Variants in GSDMD observed in about 807,000 individuals in gnomAD.
The protein encoded by GSDMD is gasdermin D, also known as gasdermin-D.
Under a neutral mutation model 46.7 loss-of-function variants are expected in GSDMD, and 46 were observed. The ratio of observed to expected loss-of-function variants is 0.99; its 90% CI spans 0.78 to 1.26. The LOEUF is 1.26. GSDMD is among the 50% of genes most tolerant of loss of function. The pLI, the probability that GSDMD is intolerant of heterozygous loss-of-function variation, is 0.00. For synonymous variants in GSDMD, 307 were observed against 283.1 expected (o/e 1.08, Z -0.85); for missense variants, 649 against 638.8 (o/e 1.02, Z -0.17).
Position 143,562,276 on chromosome 8 carries a change from G to C in GSDMD, c.1064G>C (p.Cys355Ser), listed in dbSNP as rs775377667. The C allele has an allele frequency of 1.3e-6, 2 of 1,557,026 alleles. No individual in the cohort carries two copies. Among genetic ancestry groups the C allele is most frequent in the South Asian group, 2.3e-5 (2 of 85,144 alleles). ...GGTCCAGCAGGTGCTGTCCTGGAGTGCCTGGTGTTGTCCTCCGGAATGCTG... is the reference window on the plus strand; with the variant it reads ...GGTCCAGCAGGTGCTGTCCTGGAGTCCCTGGTGTTGTCCTCCGGAATGCTG... ...LDGPAGAVLE[C>S]LVLSSGMLVP... is the part of the protein sequence containing the mutation. Residue 355 changes from cysteine (C) to serine (S), a missense_variant, in exon 9 of 11, where the codon TGC (cysteine) becomes TCC (serine). Cys to Ser is a moderately radical substitution (Grantham distance 112). Transcript: ENST00000262580.
intron 3 of GSDMD, 66 bp downstream of exon 3, chr8:143,560,035 T>C: frequency 7.4e-7 from 1 of 1,351,772 alleles, no homozygotes; most frequent in Non-Finnish European, 1.0e-6. Flanking sequence ...CTTTTATTTA[T>C]TTATTTATTT....
At chr8:143,561,488 G>T in intron 6 of GSDMD, 65 bp downstream of exon 6, 1 of 1,495,406 alleles carries the variant, frequency 6.7e-7, no homozygotes. Flanking sequence ...GGGCAGTTGA[G>T]GCCTTCTCCT....
chr8:143,558,434 G>A lies in GSDMD; in HGVS notation c.-22G>A, dbSNP rs1021439955. The A allele has an allele frequency of 4.1e-5, 62 of 1,504,284 alleles. No individual in the cohort carries two copies. The highest frequency in any genetic ancestry group is 1.4e-4 in the East Asian group (5 of 36,500). The allele number at this position is 1,504,284 out of a possible 1,614,324, so 93.2% of individuals were successfully genotyped here. Reference sequence around the variant, plus strand: ...CAGACGCGCCAGACGCGCCACCCTCGGGGCGCCGACGGTCACGGTGAGCTG... The same window carrying A: ...CAGACGCGCCAGACGCGCCACCCTCAGGGCGCCGACGGTCACGGTGAGCTG... On this transcript the variant is annotated 5_prime_UTR_variant, in exon 1 of 11. Transcript: ENST00000262580.
chr8:143,561,366 C>A lies in GSDMD; in HGVS notation c.683-4C>A. 1 of 1,606,168 alleles carries A rather than the reference C, an allele frequency of 6.2e-7. No individual in the cohort carries two copies. The highest frequency in any genetic ancestry group is 8.5e-7 in the Non-Finnish European group (1 of 1,176,614). On this transcript the variant is annotated splice_region_variant and splice_polypyrimidine_tract_variant and intron_variant, in intron 5 of 10. Coordinates refer to ENST00000262580, the MANE Select transcript of GSDMD (RefSeq NM_024736.7). ...GTCCCTGTCTGCTCCCGTCTGGCTG[C>A]CAGACGTCCTTCTCTTCCCGGATAA...
upstream of GSDMD, among the ~76,000 whole-genome samples, chr8:143,557,649 G>A (rs929708467): frequency 1.3e-5 from 2 of 152,242 alleles, no homozygotes; most frequent in East Asian, 1.9e-4. Context: ...AGGGCCGCAC[G>A]GGTTGACATT....
upstream of GSDMD, chr8:143,555,313 A>C (rs1161370255): frequency 6.6e-6 from 1 of 152,322 alleles, no homozygotes; most frequent in Non-Finnish European, 1.5e-5. Flanking sequence ...TCTTGGAGGT[A>C]AAGGCCAAGA....
chr8:143,558,485 C>A, intron 1 of GSDMD, 34 bp downstream of exon 1: 1 of 1,440,968 alleles, frequency 6.9e-7, no homozygotes. Flanking sequence ...CCCGGCCTGG[C>A]TGGAGCTCCC....
Position 143,562,367 on chromosome 8 carries a change from G to C in GSDMD, c.1138+17G>C, listed in dbSNP as rs1171298677. The C allele has an allele frequency of 3.0e-5, 47 of 1,545,050 alleles. No homozygotes were observed. Among genetic ancestry groups the C allele is most frequent in the Non-Finnish European group, 3.9e-5 (45 of 1,146,348 alleles). ...CACTGACCAGTGAGCGGCCGCTGGGGGCAGGTGGCGGGTGGGAGGGAGGGA... is the reference window on the plus strand; with the variant it reads ...CACTGACCAGTGAGCGGCCGCTGGGCGCAGGTGGCGGGTGGGAGGGAGGGA... On this transcript the variant is annotated intron_variant, in intron 9 of 10. Transcript: ENST00000262580.
At chr8:143,557,573 T>A (rs570103854), upstream of GSDMD, among the ~76,000 whole-genome samples, 11 of 151,648 alleles carry the variant, frequency 7.3e-5, no homozygotes, top group Admixed American at 3.9e-4. Context: ...TTCCTGTGGG[T>A]GGAGCTAGGA....
upstream of GSDMD, among the ~76,000 whole-genome samples, chr8:143,557,399 A>G (rs1179913581): frequency 6.6e-3 from 890 of 135,748 alleles, 17 homozygotes; most frequent in African/African-American, 0.014. Context: ...TGCCGCTGTG[A>G]CGACAGCTGC....
In GSDMD at chr8:143,559,827, A is replaced by G. The variant is rs201322968; in HGVS notation, c.268A>G (p.Ile90Val). 249 of 1,611,960 alleles carry G rather than the reference A, an allele frequency of 1.5e-4. 1 individual carries two copies. In the East Asian group the frequency reaches 5.5e-3, roughly 35 times the overall value. ...CTTCTACGATGCCATGGATGGGCAG[A>G]TACAGGGCAGCGTGGAGCTGGCAGC... ...FHFYDAMDGQ[I>V]QGSVELAAPG... The change falls in exon 3 of 11, where the codon ATA becomes GTA. Residue 90 changes from isoleucine to valine, a missense_variant. Transcript: ENST00000262580.
upstream of GSDMD, chr8:143,553,469 G>A (rs533004587): frequency 2.0e-5 from 3 of 146,662 alleles, no homozygotes; most frequent in Non-Finnish European, 4.6e-5. Context: ...TGGCCCCCCA[G>A]GACCTGCGCG....
Position 143,562,149 on chromosome 8 carries a change from C to T in GSDMD, c.996+18C>T. 1 of 1,597,526 alleles carries T rather than the reference C, an allele frequency of 6.3e-7. No individual in the cohort carries two copies. Among genetic ancestry groups the T allele is most frequent in the African/African-American group, 1.3e-5 (1 of 75,000 alleles). ...AGGAGGCGGTGAGCGGGGGAGGGTGCCCGGGGCACACAAGGCCTGCCCAGC... is the reference window on the plus strand; with the variant it reads ...AGGAGGCGGTGAGCGGGGGAGGGTGTCCGGGGCACACAAGGCCTGCCCAGC... On this transcript the variant is annotated intron_variant, in intron 8 of 10. Coordinates refer to ENST00000262580, the MANE Select transcript of GSDMD (RefSeq NM_024736.7).
chr8:143,559,597 G>T, intron 2 of GSDMD, 45 bp downstream of exon 2: 1 of 1,570,074 alleles, frequency 6.4e-7, no homozygotes, highest in Non-Finnish European at 8.7e-7. Context: ...AGGCTGGATG[G>T]GAGAGGGGAG....
Position 143,560,746 on chromosome 8 carries a change from C to T in GSDMD, c.554C>T (p.Ser185Phe). The T allele has an allele frequency of 1.3e-6, 2 of 1,557,814 alleles. No individual in the cohort carries two copies. The highest frequency in any genetic ancestry group is 1.7e-6 in the Non-Finnish European group (2 of 1,151,108). The change falls in exon 4 of 11, where the codon TCC (serine) becomes TTC (phenylalanine). Residue 185 changes from serine to phenylalanine, a missense_variant. By Grantham distance (155) the Ser-to-Phe change is radical. Transcript: ENST00000262580. ...THKREGSGRF[S>F]LPGATCLQGE... ...AAGCGGGAGGGCTCGGGCCGGTTTT[C>T]CCTGCCCGGAGCCACGTGCTTGCAG... is the stretch of plus-strand genomic sequence containing the variant.
At chr8:143,559,279 C>G in intron 1 of GSDMD, 53 bp from the exon 2 acceptor site, 1 of 585,128 alleles carries the variant, frequency 1.7e-6, no homozygotes, top group Non-Finnish European at 3.2e-6. Context: ...CCTTCTCCCA[C>G]TCCCTCCCGC....
Position 143,559,759 on chromosome 8 carries a change from G to A in GSDMD, c.218-18G>A. The A allele has an allele frequency of 6.3e-7, 1 of 1,576,632 alleles. No individual in the cohort carries two copies. The highest frequency in any genetic ancestry group is 8.6e-7 in the Non-Finnish European group (1 of 1,161,376). ...AGGCGGGGCGCTGGGCACAGCCTCA[G>A]GTCTGGCCTTGCTTTAGACGTGCAG... is the stretch of plus-strand genomic sequence containing the variant. On this transcript the variant is annotated intron_variant, in intron 2 of 10. Transcript: ENST00000262580.
Position 143,561,838 on chromosome 8 carries a change from C to T in GSDMD, c.823+10C>T. 1 of 1,609,922 alleles carries T rather than the reference C, an allele frequency of 6.2e-7. No individual in the cohort carries two copies. Among genetic ancestry groups the T allele is most frequent in the Non-Finnish European group, 8.5e-7 (1 of 1,177,950 alleles). On this transcript the variant is annotated intron_variant, in intron 7 of 10. Transcript: ENST00000262580. ...CACAACTTCCTGACAGGTCAGTGCC[C>T]TCCTGACCGCCCCGGGGACCTTTGG... is the stretch of plus-strand genomic sequence containing the variant.
upstream of GSDMD, among the ~76,000 whole-genome samples, chr8:143,554,785 TGCATACACACGC>T (rs1239427649): frequency 6.6e-6 from 1 of 152,164 alleles, no homozygotes; most frequent in East Asian, 1.9e-4. Flanking sequence ...AACATGCACG[TGCATACACACGC>T]GCACAAACGC....
Sources: allele counts gnomAD v4.1 joint callset (sites outside exome capture counted in the v4.1 genomes callset), GRCh38; gene constraint gnomAD v4.1.1; transcripts MANE v1.5; gene names NCBI Gene and HGNC (gene_info 2026-07-23, HGNC 2026-07-21).